Variants in KIAA1217 observed in about 807,000 individuals in gnomAD.
KIAA1217 encodes the protein KIAA1217.
A neutral mutation model predicts 163.9 loss-of-function variants in KIAA1217; 88 were observed. The observed-to-expected ratio is 0.54, with a 90% CI of 0.45 to 0.64. KIAA1217 has a LOEUF of 0.64. Ranked by LOEUF, KIAA1217 falls within the 30% of genes least tolerant of loss-of-function variation. KIAA1217 has a pLI of 0.00. For missense variants in KIAA1217, 2,372 were observed against 2,475.0 expected (o/e 0.96, Z 0.88); for synonymous variants, 903 against 923.1 (o/e 0.98, Z 0.39).
intron 2 of KIAA1217, among the ~76,000 whole-genome samples, chr10:24,310,678 T>G (rs534673627): frequency 6.6e-6 from 1 of 152,064 alleles, no homozygotes; most frequent in East Asian, 1.9e-4. Context: ...TAACACTCAG[T>G]CCCTTTTCCA....
intron 1 of KIAA1217, among the ~76,000 whole-genome samples, chr10:23,916,699 C>T (rs760375800): frequency 2.6e-5 from 4 of 152,166 alleles, no homozygotes; most frequent in Non-Finnish European, 5.9e-5. Flanking sequence ...GCTGGCAGGG[C>T]GCAGTGGCTA....
Position 24,544,071 on chromosome 10 carries a change from C to A in KIAA1217, c.4801C>A (p.Gln1601Lys). 6.2e-7 allele frequency: 1 copy of A among 1,614,084 alleles called. No homozygotes were observed. The part of the protein sequence containing the change: ...TGTKTGKKTL[Q>K]VVVYEEEEED... Reference sequence around the variant, plus strand: ...AACTAAAACAGGGAAGAAGACTTTGCAAGTGGTAGTCTATGAAGAAGAGGA... The same window carrying A: ...AACTAAAACAGGGAAGAAGACTTTGAAAGTGGTAGTCTATGAAGAAGAGGA... The change falls in exon 19 of 21, where the codon CAA becomes AAA. Residue 1601 changes from glutamine (Q) to lysine (K), a missense_variant. Transcript: ENST00000376454.
intron 1 of KIAA1217, among the ~76,000 whole-genome samples, chr10:23,778,862 T>C (rs558708704): frequency 2.6e-5 from 4 of 152,316 alleles, no homozygotes; most frequent in Admixed American, 2.0e-4. Context: ...ATATATGGTC[T>C]GGCCACAGTC....
intron 11 of KIAA1217, among the ~76,000 whole-genome samples, chr10:24,520,651 A>AAAAT (rs1554926857): frequency 1.5e-4 from 6 of 39,656 alleles, no homozygotes; most frequent in Non-Finnish European, 2.4e-4. Flanking sequence ...AAAAAAAAAA[A>AAAAT]ATATATATAT....
At chr10:23,903,578 G>T (rs555964362) in intron 1 of KIAA1217, among the ~76,000 whole-genome samples, 1 of 152,202 alleles carries the variant, frequency 6.6e-6, no homozygotes, top group Admixed American at 6.5e-5. Context: ...GCTTAGCAAG[G>T]CCTGTTTGTT....
intron 2 of KIAA1217, among the ~76,000 whole-genome samples, chr10:24,358,299 G>A (rs931104972): frequency 6.6e-6 from 1 of 152,048 alleles, no homozygotes; most frequent in Non-Finnish European, 1.5e-5. Flanking sequence ...GATGTCCATG[G>A]GCTGCACTTG....
At chr10:24,486,806 C>G (rs1297829333) in intron 6 of KIAA1217, among the ~76,000 whole-genome samples, 1 of 152,008 alleles carries the variant, frequency 6.6e-6, no homozygotes, top group African/African-American at 2.4e-5. Flanking sequence ...TTTTCTCCTT[C>G]ATGTTCGTTG....
intron 2 of KIAA1217, among the ~76,000 whole-genome samples, chr10:24,283,414 C>A (rs555495096): frequency 4.3e-4 from 66 of 152,192 alleles, no homozygotes; most frequent in Middle Eastern, 6.8e-3. Flanking sequence ...CGCCTGTAAT[C>A]CCAGCACTTT....
intron 2 of KIAA1217, among the ~76,000 whole-genome samples, chr10:24,257,339 G>T (rs549019808): frequency 5.3e-5 from 8 of 152,294 alleles, no homozygotes; most frequent in South Asian, 4.1e-4. Flanking sequence ...GGAACGGCGT[G>T]GGGGGTGGAG....
chr10:24,538,611 G>A (rs1261595410), intron 17 of KIAA1217, among the ~76,000 whole-genome samples: 3 of 60,344 alleles, frequency 5.0e-5, no homozygotes, highest in African/African-American at 1.2e-4. Flanking sequence ...GAAGGAAAAA[G>A]AGAGGAAGGA....
chr10:24,123,481 T>C (rs2063359335), intron 2 of KIAA1217, among the ~76,000 whole-genome samples: 1 of 152,162 alleles, frequency 6.6e-6, no homozygotes, highest in African/African-American at 2.4e-5. Flanking sequence ...TTTATGTATG[T>C]GCTAGAATTT....
intron 1 of KIAA1217, among the ~76,000 whole-genome samples, chr10:23,725,165 CT>C (rs1838068461): frequency 6.6e-6 from 1 of 152,356 alleles, no homozygotes; most frequent in East Asian, 1.9e-4. Context: ...CATATGGACT[CT>C]TGTCATCCTG....
intron 2 of KIAA1217, among the ~76,000 whole-genome samples, chr10:24,222,142 C>T (rs1447958020): frequency 1.3e-5 from 2 of 152,130 alleles, no homozygotes; most frequent in South Asian, 2.1e-4. Context: ...AAAACAATTA[C>T]AAGGGAAGCC....
intron 3 of KIAA1217, among the ~76,000 whole-genome samples, chr10:24,408,101 G>T (rs992936921): frequency 6.6e-6 from 1 of 152,148 alleles, no homozygotes; most frequent in Admixed American, 6.5e-5. Context: ...GCCATTGTGT[G>T]ATGCTGGTCA....
chr10:24,157,626 T>C (rs1484953220), intron 2 of KIAA1217, among the ~76,000 whole-genome samples: 1 of 152,182 alleles, frequency 6.6e-6, no homozygotes, highest in Non-Finnish European at 1.5e-5. Context: ...TAAAGATATA[T>C]CTGAGAGAAG....
At chr10:23,854,237 G>GA (rs1255926680) in intron 1 of KIAA1217, among the ~76,000 whole-genome samples, 2 of 152,086 alleles carry the variant, frequency 1.3e-5, no homozygotes, top group Non-Finnish European at 2.9e-5. Flanking sequence ...TGGTTTCAAA[G>GA]AACATCTATA....
chr10:23,830,496 G>A (rs972471779), intron 1 of KIAA1217, among the ~76,000 whole-genome samples: 1 of 152,096 alleles, frequency 6.6e-6, no homozygotes, highest in African/African-American at 2.4e-5. Context: ...GCTTTTAAGA[G>A]CCTTCTGTCT....
rs71397945 is a variant in KIAA1217, at chr10:24,390,475, G to GGGAAGGAAGGAA, written c.553+9453_553+9464dup. On this transcript the variant is annotated intron_variant, in intron 3 of 20. Coordinates refer to ENST00000376454, the MANE Select transcript of KIAA1217 (RefSeq NM_019590.5). The stretch of plus-strand genomic sequence containing the variant: ...GGGGAAAAAAGGAGGGAGGGAGGGA[G>GGGAAGGAAGGAA]GGAAGGAAGGAAGGAAGGAAGGAAG... Among the ~76,000 whole-genome samples the GGGAAGGAAGGAA allele has an allele frequency of 3.4e-3, 361 of 107,136 alleles. 2 individuals are homozygous for GGGAAGGAAGGAA. The highest frequency in any genetic ancestry group is 9.4e-3 in the Middle Eastern group (2 of 212). 70.3% of individuals were successfully genotyped at this position (107,136 alleles called of 152,430 possible). A position where few individuals can be genotyped will look rare whatever the true frequency, so the allele number is the denominator to read the frequency against.
chr10:23,737,407 A>G (rs2130802129), intron 1 of KIAA1217, among the ~76,000 whole-genome samples: 1 of 151,648 alleles, frequency 6.6e-6, no homozygotes, highest in African/African-American at 2.4e-5. Context: ...ATTGGCCAGG[A>G]TGGTCTGTAT....
Sources: allele counts gnomAD v4.1 joint callset (sites outside exome capture counted in the v4.1 genomes callset), GRCh38; gene constraint gnomAD v4.1.1; transcripts MANE v1.5; gene names NCBI Gene and HGNC (gene_info 2026-07-23, HGNC 2026-07-21).